The following DOCK7 variants were observed in gnomAD, a reference collection of about 807,000 sequenced individuals.
The protein encoded by DOCK7 is dedicator of cytokinesis 7.
A neutral mutation model predicts 271.0 loss-of-function variants in DOCK7; 138 were observed. That is an observed-to-expected ratio of 0.51 (90% confidence interval 0.44 to 0.59). The LOEUF is 0.59. Ranked by LOEUF, DOCK7 falls within the 20% of genes least tolerant of loss-of-function variation. The probability of loss-of-function intolerance (pLI) is 0.00; values close to 1 mark genes in which losing one functional copy is unlikely to be tolerated. For synonymous variants in DOCK7, 823 were observed against 876.1 expected, an observed-to-expected ratio of 0.94 and a Z score of 1.07; for missense variants, 2,066 against 2,592.4, an observed-to-expected ratio of 0.80 and a Z score of 4.41.
chr1:62,460,101 A>T (rs1201450684), intron 48 of DOCK7, among the ~76,000 whole-genome samples: 17 of 65,500 alleles, frequency 2.6e-4, no homozygotes, highest in African/African-American at 8.0e-4. Flanking sequence ...CTCGTCTCAA[A>T]AAAAAAAAAA....
intron 2 of DOCK7, 28 bp downstream of exon 2, chr1:62,662,997 G>A (rs1052930950): frequency 1.3e-6 from 2 of 1,551,188 alleles, no homozygotes; most frequent in Non-Finnish European, 1.8e-6. Context: ...ACACCAAGAA[G>A]AGACTATATT....
intron 48 of DOCK7, among the ~76,000 whole-genome samples, chr1:62,462,940 C>T (rs1175778020): frequency 7.8e-6 from 1 of 127,638 alleles, no homozygotes; most frequent in Non-Finnish European, 1.7e-5. Context: ...TTTTTGCCTC[C>T]CCCACCCTTT....
Position 62,475,731 on chromosome 1 carries a change from C to T in DOCK7, c.5937G>A (p.Arg1979=), listed in dbSNP as rs373056593. ...CCTCTTCTTTATGAGTGACATTGAC[C>T]CTTGTTTTAATATAAGGAAAGGCAT... ...TSHAFPYIKT[R]VNVTHKEEII... is the part of the protein sequence containing the mutation. Residue 1979 remains arginine, a synonymous_variant, in exon 46 of 50, where the codon AGG becomes AGA. Transcript: ENST00000635253. 3 of 1,613,864 alleles carry T rather than the reference C, an allele frequency of 1.9e-6. No homozygotes were observed. The highest frequency in any genetic ancestry group is 2.5e-6 in the Non-Finnish European group (3 of 1,179,860).
rs750167966 is a variant in DOCK7 at position 62,654,175 on chromosome 1, G to A, written c.145-16C>T. Reference sequence around the variant, plus strand: ...TAAGGGGCACCTTTGTAAAAAGTTGGGATAAGAGATGGGTAGAAAACAAGA... The same window carrying A: ...TAAGGGGCACCTTTGTAAAAAGTTGAGATAAGAGATGGGTAGAAAACAAGA... On this transcript the variant is annotated splice_polypyrimidine_tract_variant and intron_variant, in intron 2 of 49. Coordinates refer to ENST00000635253, the MANE Select transcript of DOCK7 (RefSeq NM_001367561.1). 4.4e-6 allele frequency: 7 copies of A among 1,596,880 alleles called. No homozygotes were observed. The highest frequency in any genetic ancestry group is 6.0e-6 in the Non-Finnish European group (7 of 1,170,936).
intron 21 of DOCK7, among the ~76,000 whole-genome samples, chr1:62,553,328 A>G (rs1465052606): frequency 6.3e-4 from 2 of 3,160 alleles, no homozygotes; most frequent in Non-Finnish European, 1.1e-3. Flanking sequence ...ATATATATAT[A>G]TATATATATA....
At chr1:62,579,488 T>C (rs1341902549) in intron 16 of DOCK7, among the ~76,000 whole-genome samples, 11 of 151,830 alleles carry the variant, frequency 7.2e-5, no homozygotes, top group Non-Finnish European at 1.6e-4. Context: ...CCCAGCACTT[T>C]GGGAGGCTGT....
intron 42 of DOCK7, 78 bp downstream of exon 42, chr1:62,488,856 G>T: frequency 7.7e-6 from 12 of 1,561,730 alleles, no homozygotes; most frequent in Non-Finnish European, 1.1e-5. Flanking sequence ...GATCTAGTTT[G>T]ACATCAGTGC....
rs1647561888 is a variant in DOCK7, at chr1:62,586,586, G to C, written c.1721C>G (p.Ala574Gly). The change falls in exon 15 of 50, where the codon GCC becomes GGC. Residue 574 changes from alanine (A) to glycine (G), a missense_variant. Coordinates refer to ENST00000635253, the MANE Select transcript of DOCK7 (RefSeq NM_001367561.1). ...LYIYPQSLNF[A>G]NRQGSARNIT... ...ATTTCTAGCAGAACCTTGACGATTG[G>C]CAAAATTAAGACTCTGAGGGTATAT... is the stretch of plus-strand genomic sequence containing the variant. 6.2e-7 allele frequency: 1 copy of C among 1,612,480 alleles called. No individual in the cohort carries two copies. The highest frequency in any genetic ancestry group is 1.1e-5 in the South Asian group (1 of 90,980).
chr1:62,467,667 A>T (rs1645717257), intron 48 of DOCK7, among the ~76,000 whole-genome samples: 1 of 152,246 alleles, frequency 6.6e-6, no homozygotes, highest in African/African-American at 2.4e-5. Context: ...GCTGAATTCT[A>T]CCAGACATTC....
intron 28 of DOCK7, among the ~76,000 whole-genome samples, chr1:62,537,585 C>A (rs1645387953): frequency 4.7e-5 from 5 of 106,630 alleles, no homozygotes; most frequent in African/African-American, 1.7e-4. Flanking sequence ...GACTCTGTCT[C>A]AAAAAAAAAA....
intron 37 of DOCK7, among the ~76,000 whole-genome samples, chr1:62,504,247 A>C (rs1318929599): frequency 3.9e-5 from 6 of 152,216 alleles, no homozygotes; most frequent in Admixed American, 1.3e-4. Context: ...TAACACATGA[A>C]TATAACATAT....
chr1:62,676,872 T>C (rs977336636), intron 1 of DOCK7, among the ~76,000 whole-genome samples: 3 of 152,078 alleles, frequency 2.0e-5, no homozygotes, highest in Non-Finnish European at 4.4e-5. Context: ...CAGGAAGACA[T>C]CCTTGGGAGG....
chr1:62,470,803 A>G (rs2149250495), intron 48 of DOCK7, among the ~76,000 whole-genome samples: 1 of 152,180 alleles, frequency 6.6e-6, no homozygotes, highest in African/African-American at 2.4e-5. Context: ...ACAAAACAAA[A>G]CAAAAAAACT....
intron 12 of DOCK7, among the ~76,000 whole-genome samples, chr1:62,622,683 C>T (rs904223633): frequency 1.3e-5 from 2 of 152,140 alleles, no homozygotes; most frequent in African/African-American, 2.4e-5. Context: ...GTAATCCCAG[C>T]ACTTTGGGAG....
At chr1:62,534,265 G>A (rs1645269428) in intron 29 of DOCK7, among the ~76,000 whole-genome samples, 1 of 152,132 alleles carries the variant, frequency 6.6e-6, no homozygotes, top group Non-Finnish European at 1.5e-5. Context: ...ATCCCAAAGT[G>A]CTGGGATTAC....
At chr1:62,554,405 G>T (rs2149429102) in intron 21 of DOCK7, among the ~76,000 whole-genome samples, 2 of 145,492 alleles carry the variant, frequency 1.4e-5, no homozygotes, top group Middle Eastern at 7.5e-3. Flanking sequence ...CCGGGAAGCG[G>T]AGCTTGCAGT....
At chr1:62,594,467 C>G (rs1356711874) in intron 14 of DOCK7, among the ~76,000 whole-genome samples, 2 of 151,882 alleles carry the variant, frequency 1.3e-5, no homozygotes, top group East Asian at 3.9e-4. Context: ...AGAAATTGCA[C>G]AAATTTTGCA....
chr1:62,538,007 G>A lies in DOCK7; in HGVS notation c.3355C>T (p.Leu1119=), dbSNP rs768319779. 2.5e-6 allele frequency: 4 copies of A among 1,614,042 alleles called. No individual in the cohort carries two copies. The highest frequency in any genetic ancestry group is 1.6e-4 in the Middle Eastern group (1 of 6,062). Reference sequence around the variant, plus strand: ...CTGCAGATGATTCGTAGAAAATCCAGCCTCAAGGACACCAGAACACTGGGA... The same window carrying A: ...CTGCAGATGATTCGTAGAAAATCCAACCTCAAGGACACCAGAACACTGGGA... ...PNPSVLVSLR[L]DFLRIICSHE... The change falls in exon 28 of 50, where the codon CTG becomes TTG. Residue 1119 remains leucine (L), a synonymous_variant. Transcript: ENST00000635253.
In DOCK7 at chr1:62,523,986, C is replaced by T. The variant is rs1385749747; in HGVS notation, c.3936+4165G>A. On this transcript the variant is annotated intron_variant, in intron 31 of 49. Coordinates refer to ENST00000635253, the MANE Select transcript of DOCK7 (RefSeq NM_001367561.1). ...GAAGAAATATTTGAACCACTTATAA[C>T]TGACAATGGACTTGATCTAGAACAT... Among the ~76,000 whole-genome samples the T allele has an allele frequency of 7.9e-5, 12 of 152,144 alleles. No homozygotes were observed. The East Asian group carries it at 2.1e-3, about 27-fold the overall frequency.
Sources: gnomAD v4.1 joint callset for allele counts (sites outside exome capture counted in the v4.1 genomes callset) on GRCh38, gnomAD v4.1.1 for gene constraint, MANE v1.5 for transcripts, NCBI Gene and HGNC (gene_info 2026-07-23, HGNC 2026-07-21) for gene names.